The following ALDH5A1 variants were observed in gnomAD, a reference collection of about 807,000 sequenced individuals.
ALDH5A1 encodes aldehyde dehydrogenase 5 family member A1.
ALDH5A1 carries 33 observed loss-of-function variants against 54.7 expected under a neutral mutation model. The ratio of observed to expected loss-of-function variants is 0.60; its 90% CI spans 0.46 to 0.81. The LOEUF is 0.81. Ranked by LOEUF, ALDH5A1 falls within the 30% of genes least tolerant of loss-of-function variation. The pLI, the probability that ALDH5A1 is intolerant of heterozygous loss-of-function variation, is 0.00. For missense variants in ALDH5A1, 657 were observed against 711.0 expected (o/e 0.92, Z 0.86); for synonymous variants, 294 against 292.7 (o/e 1.00, Z -0.05).
At chr6:24,515,342 G>C in intron 5 of ALDH5A1, 32 bp downstream of exon 5, 1 of 1,608,074 alleles carries the variant, frequency 6.2e-7, no homozygotes, top group Non-Finnish European at 8.5e-7. Flanking sequence ...GAAAACAAAT[G>C]TCTTTCTAAT....
At chr6:24,501,842 C>T (rs1240298597) in intron 1 of ALDH5A1, among the ~76,000 whole-genome samples, 3 of 151,380 alleles carry the variant, frequency 2.0e-5, no homozygotes, top group Admixed American at 6.6e-5. Flanking sequence ...AAGCATCTTA[C>T]TCAGGGTTGT....
intron 4 of ALDH5A1, among the ~76,000 whole-genome samples, chr6:24,511,515 T>A (rs113924069): frequency 1.8e-4 from 27 of 152,268 alleles, no homozygotes; most frequent in African/African-American, 6.0e-4. Context: ...TTGTTCATAT[T>A]TTCTTATGCT....
At chr6:24,526,357 A>C (rs1759797490) in intron 7 of ALDH5A1, among the ~76,000 whole-genome samples, 1 of 152,182 alleles carries the variant, frequency 6.6e-6, no homozygotes, top group Admixed American at 6.5e-5. Context: ...ACTGGAAGGA[A>C]ATTTTCTAAA....
rs764512077 is a variant in ALDH5A1, at chr6:24,528,100, G to A, written c.1277G>A (p.Cys426Tyr). Residue 426 changes from cysteine to tyrosine, a missense_variant, in exon 8 of 10, where the codon TGC becomes TAC. This residue lies in a region of ALDH5A1 where 425 missense variants were observed against 516.4 expected (regional missense o/e 0.82). Coordinates refer to ENST00000357578, the MANE Select transcript of ALDH5A1 (RefSeq NM_001080.3). ...GKNFFEPTLL[C>Y]NVTQDMLCTH... is the part of the protein sequence containing the mutation. ...AATTTCTTTGAGCCTACCCTGCTGTGCAATGTCACCCAGGACATGCTGTGC... is the reference window on the plus strand; with the variant it reads ...AATTTCTTTGAGCCTACCCTGCTGTACAATGTCACCCAGGACATGCTGTGC... 47 of 1,613,980 alleles carry A rather than the reference G, an allele frequency of 2.9e-5. No homozygotes were observed. Among genetic ancestry groups the A allele is most frequent in the African/African-American group, 4.0e-5 (3 of 74,926 alleles).
In ALDH5A1 at chr6:24,517,295, C is replaced by A. The variant is rs9467212; in HGVS notation, c.870+1985C>A. Among the ~76,000 whole-genome samples, 1,171 of 152,272 alleles carry A rather than the reference C, an allele frequency of 7.7e-3. 13 individuals are homozygous for A. The highest frequency in any genetic ancestry group is 0.027 in the African/African-American group (1,102 of 41,554). On this transcript the variant is annotated intron_variant, in intron 5 of 9. Coordinates refer to ENST00000357578, the MANE Select transcript of ALDH5A1 (RefSeq NM_001080.3). ...TGCTGGGATTATAGGTGTGAGCCAGCGTGCCCAGCTGGAATAATGTACTTT... is the reference window on the plus strand; with the variant it reads ...TGCTGGGATTATAGGTGTGAGCCAGAGTGCCCAGCTGGAATAATGTACTTT...
chr6:24,511,921 A>C (rs1025017468), intron 4 of ALDH5A1: 15 of 574,084 alleles, frequency 2.6e-5, no homozygotes, highest in Non-Finnish European at 4.7e-5. Flanking sequence ...TTTTCATATT[A>C]TCAGAGTTGG....
chr6:24,526,813 T>A (rs1759804770), intron 7 of ALDH5A1, among the ~76,000 whole-genome samples: 1 of 147,108 alleles, frequency 6.8e-6, no homozygotes, highest in South Asian at 2.1e-4. Flanking sequence ...CCAAGTAGGA[T>A]GAATGAAAAG....
chr6:24,500,603 C>A (rs1488883092), intron 1 of ALDH5A1, among the ~76,000 whole-genome samples: 1 of 151,356 alleles, frequency 6.6e-6, no homozygotes, highest in Non-Finnish European at 1.5e-5. Flanking sequence ...GCTATGATTG[C>A]GCCACTGCAC....
chr6:24,535,111 G>C lies in ALDH5A1; in HGVS notation c.*1399G>C, dbSNP rs193082030. The C allele has an allele frequency of 6.6e-6, 1 of 152,348 alleles. No homozygotes were observed. The highest frequency in any genetic ancestry group is 6.5e-5 in the Admixed American group (1 of 15,304). 9.4% of individuals were successfully genotyped at this position (152,348 alleles called of 1,614,324 possible). On this transcript the variant is annotated 3_prime_UTR_variant, in exon 10 of 10. Coordinates refer to ENST00000357578, the MANE Select transcript of ALDH5A1 (RefSeq NM_001080.3). ...GAAGCACCTTCCTTTCCCCATCTCT[G>C]TCTGTGTAGACTCCACTTACATCTT...
At chr6:24,526,965 TGTGTG>T (rs1480056616) in intron 7 of ALDH5A1, among the ~76,000 whole-genome samples, 34 of 7,472 alleles carry the variant, frequency 4.6e-3, no homozygotes, top group Admixed American at 0.012. Flanking sequence ...TATATATATA[TGTGTG>T]TGTGTATATA....
chr6:24,497,156 G>A (rs756760807), intron 1 of ALDH5A1, among the ~76,000 whole-genome samples: 9 of 152,282 alleles, frequency 5.9e-5, no homozygotes, highest in African/African-American at 1.4e-4. Flanking sequence ...CTTCCACAGC[G>A]CGGAAGGGGA....
chr6:24,526,873 CTTCTATATATATA>C (rs1759807921), intron 7 of ALDH5A1, among the ~76,000 whole-genome samples: 1 of 109,114 alleles, frequency 9.2e-6, no homozygotes, highest in Admixed American at 8.7e-5. Flanking sequence ...ATATATATAT[CTTCTATATATATA>C]TTCTATATAT....
chr6:24,522,664 C>A, intron 6 of ALDH5A1, 103 bp from the exon 7 acceptor site: 1 of 1,395,880 alleles, frequency 7.2e-7, no homozygotes, highest in Non-Finnish European at 1.0e-6. Flanking sequence ...TGACAACCAC[C>A]GAGGGAAGTG....
intron 1 of ALDH5A1, 138 bp downstream of exon 1, chr6:24,495,488 C>CA: frequency 1.1e-6 from 1 of 883,604 alleles, no homozygotes; most frequent in Non-Finnish European, 1.7e-6. Context: ...AGTGGAAAGT[C>CA]AGAGCAACAA....
intron 4 of ALDH5A1, among the ~76,000 whole-genome samples, chr6:24,506,487 G>A (rs961955161): frequency 4.0e-5 from 6 of 151,520 alleles, no homozygotes; most frequent in African/African-American, 1.5e-4. Context: ...TCCTGACCTC[G>A]TGATCCACCC....
chr6:24,522,409 C>A (rs1296351462), intron 6 of ALDH5A1, among the ~76,000 whole-genome samples: 1 of 151,572 alleles, frequency 6.6e-6, no homozygotes, highest in Non-Finnish European at 1.5e-5. Context: ...CTTTCCCCAC[C>A]CCCCAGGGAA....
intron 5 of ALDH5A1, among the ~76,000 whole-genome samples, chr6:24,519,120 C>G (rs150269559): frequency 5.8e-4 from 88 of 152,082 alleles, no homozygotes; most frequent in African/African-American, 2.0e-3. Flanking sequence ...GAGATGGAGT[C>G]TCGCTCTGTA....
At chr6:24,517,504 G>A (rs906407461) in intron 5 of ALDH5A1, among the ~76,000 whole-genome samples, 1 of 152,184 alleles carries the variant, frequency 6.6e-6, no homozygotes, top group African/African-American at 2.4e-5. Context: ...ATGTTACTAC[G>A]AAGTAGTTAG....
At chr6:24,503,163 G>C in intron 2 of ALDH5A1, 100 bp from the exon 3 acceptor site, 1 of 1,436,440 alleles carries the variant, frequency 7.0e-7, no homozygotes, top group Admixed American at 1.9e-5. Flanking sequence ...CGTTATAGGA[G>C]ACTTTTCTAC....
Sources: gnomAD v4.1 joint callset for allele counts (sites outside exome capture counted in the v4.1 genomes callset) on GRCh38, gnomAD v4.1.1 for gene constraint, gnomAD v4.1.1 regional missense constraint, MANE v1.5 for transcripts, NCBI Gene and HGNC (gene_info 2026-07-23, HGNC 2026-07-21) for gene names.